MGAT4C: variants seen among roughly 807,000 people sequenced by gnomAD.
MGAT4C encodes MGAT4 family member C.
A neutral mutation model predicts 40.1 loss-of-function variants in MGAT4C; 19 were observed. The observed-to-expected ratio is 0.47, with a 90% CI of 0.33 to 0.70. The LOEUF is 0.70. Ranked by LOEUF, MGAT4C falls within the 30% of genes least tolerant of loss-of-function variation. The pLI, the probability that MGAT4C is intolerant of heterozygous loss-of-function variation, is 0.02. For missense variants in MGAT4C, 491 were observed against 563.2 expected, an observed-to-expected ratio of 0.87 and a Z score of 1.30; for synonymous variants, 181 against 187.1, an observed-to-expected ratio of 0.97 and a Z score of 0.27.
intron 3 of MGAT4C, among the ~76,000 whole-genome samples, chr12:86,394,175 G>T (rs1053067084): frequency 6.6e-6 from 1 of 152,052 alleles, no homozygotes; most frequent in Non-Finnish European, 1.5e-5. Flanking sequence ...GAATCAACTT[G>T]GGGAATGTAT....
intron 2 of MGAT4C, among the ~76,000 whole-genome samples, chr12:86,597,754 CTCAA>C (rs1165318436): frequency 2.0e-5 from 3 of 152,206 alleles, no homozygotes; most frequent in African/African-American, 7.2e-5. Context: ...CTATTCCCCT[CTCAA>C]TCAATCACCC....
intron 1 of MGAT4C, among the ~76,000 whole-genome samples, chr12:86,774,281 C>CTCGCTCTTTCTTTCTTTCTTTCTTTCTT (rs1555227734): frequency 1.7e-5 from 1 of 58,934 alleles, no homozygotes; most frequent in Non-Finnish European, 3.5e-5. Context: ...CTAAGGCTTG[C>CTCGCTCTTTCTTTCTTTCTTTCTTTCTT]TCTTTCTTTC....
intron 1 of MGAT4C, among the ~76,000 whole-genome samples, chr12:86,815,832 A>G (rs1952592622): frequency 7.1e-6 from 1 of 139,928 alleles, no homozygotes; most frequent in Admixed American, 7.2e-5. Context: ...CAAGAATGAT[A>G]CAATGGACTT....
Position 85,965,458 on chromosome 12 carries a change from G to T in MGAT4C, c.*13831C>A, listed in dbSNP as rs1276003039. 6.6e-6 allele frequency: 1 copy of T among 151,840 alleles called. No individual in the cohort carries two copies. Among genetic ancestry groups the T allele is most frequent in the Non-Finnish European group, 1.5e-5 (1 of 68,024 alleles). 9.4% of individuals were successfully genotyped at this position (151,840 alleles called of 1,614,324 possible). ...TAAAAATACAAAAAATTAGCCGGGC[G>T]TGGTGGCGGGCGCCTGTACTCCCAG... On this transcript the variant is annotated 3_prime_UTR_variant, in exon 5 of 5. Transcript: ENST00000611864.
chr12:86,741,193 C>A (rs916856605), intron 1 of MGAT4C, among the ~76,000 whole-genome samples: 26 of 151,060 alleles, frequency 1.7e-4, no homozygotes, highest in African/African-American at 4.8e-4. Flanking sequence ...CACATGCACT[C>A]GTATGTTCAT....
chr12:85,979,295 A>G lies in MGAT4C; in HGVS notation c.1431T>C (p.Thr477=), dbSNP rs780715327. 2 of 1,584,672 alleles carry G rather than the reference A, an allele frequency of 1.3e-6. No individual in the cohort carries two copies. Among genetic ancestry groups the G allele is most frequent in the South Asian group, 1.2e-5 (1 of 86,548 alleles). The change falls in exon 5 of 5, where the codon ACT becomes ACC. Residue 477 remains threonine (T), a synonymous_variant. Coordinates refer to ENST00000611864, the MANE Select transcript of MGAT4C (RefSeq NM_001351288.2). ...WLIIRSISIW[T]S is the part of the protein sequence containing the mutation. ...AACATACTGATTTAATTGGCTAAGA[A>G]GTCCAAATGCTAATACTCCTAATAA...
intron 2 of MGAT4C, among the ~76,000 whole-genome samples, chr12:86,656,075 T>C (rs1220231994): frequency 6.6e-6 from 1 of 152,076 alleles, no homozygotes. Flanking sequence ...TTCTCATAAG[T>C]AGAGCTTCAG....
chr12:86,061,402 C>A (rs572167676), intron 1 of MGAT4C, among the ~76,000 whole-genome samples: 1 of 152,220 alleles, frequency 6.6e-6, no homozygotes, highest in East Asian at 1.9e-4. Flanking sequence ...GCCACCAGGG[C>A]CCTGGGTTTC....
intron 1 of MGAT4C, among the ~76,000 whole-genome samples, chr12:86,113,035 A>G (rs1444970051): frequency 6.6e-6 from 1 of 151,734 alleles, no homozygotes; most frequent in Non-Finnish European, 1.5e-5. Context: ...AGAGACCACC[A>G]TAATAATCTT....
At chr12:86,047,425 G>GA (rs1342597205) in intron 2 of MGAT4C, among the ~76,000 whole-genome samples, 2 of 151,904 alleles carry the variant, frequency 1.3e-5, no homozygotes, top group Non-Finnish European at 2.9e-5. Flanking sequence ...TTGCATGAAA[G>GA]AAAAAATTCT....
At chr12:86,315,662 C>T (rs1954198095) in intron 4 of MGAT4C, among the ~76,000 whole-genome samples, 1 of 152,152 alleles carries the variant, frequency 6.6e-6, no homozygotes, top group Non-Finnish European at 1.5e-5. Flanking sequence ...GCCGAGATCG[C>T]GCCCCTGCAC....
In MGAT4C at chr12:85,978,294, C is replaced by A. The variant is rs922702707; in HGVS notation, c.*995G>T. The A allele has an allele frequency of 2.0e-5, 3 of 151,540 alleles. No individual in the cohort carries two copies. The highest frequency in any genetic ancestry group is 4.4e-5 in the Non-Finnish European group (3 of 67,608). 9.4% of individuals were successfully genotyped at this position (151,540 alleles called of 1,614,324 possible). ...AGAATATCAGATCTCTCATTCTGGC[C>A]TTGCTAGGAAATAGATCTTTGATTC... On this transcript the variant is annotated 3_prime_UTR_variant, in exon 5 of 5. Transcript: ENST00000611864.
intron 3 of MGAT4C, among the ~76,000 whole-genome samples, chr12:86,391,730 G>T (rs1449286260): frequency 2.0e-5 from 3 of 152,092 alleles, no homozygotes; most frequent in African/African-American, 7.2e-5. Context: ...CATGGTGGCG[G>T]GTGCCTGTAG....
At chr12:86,730,905 C>G (rs1226846172) in intron 1 of MGAT4C, among the ~76,000 whole-genome samples, 1 of 152,042 alleles carries the variant, frequency 6.6e-6, no homozygotes, top group African/African-American at 2.4e-5. Flanking sequence ...GATGTGTTCA[C>G]TTTATTTAAT....
chr12:86,614,550 TGGG>T (rs879320356), intron 2 of MGAT4C, among the ~76,000 whole-genome samples: 3 of 151,972 alleles, frequency 2.0e-5, no homozygotes, highest in African/African-American at 4.8e-5. Context: ...TAATATTAGG[TGGG>T]GGGAAGCAAA....
intron 2 of MGAT4C, chr12:86,011,715 T>TA: frequency 2.2e-6 from 1 of 451,918 alleles, no homozygotes; most frequent in Non-Finnish European, 2.9e-6. Flanking sequence ...GGTCCCAGTG[T>TA]AAAAAAAGTA....
At chr12:86,045,117 G>C (rs1892257563) in intron 2 of MGAT4C, among the ~76,000 whole-genome samples, 1 of 152,078 alleles carries the variant, frequency 6.6e-6, no homozygotes, top group Non-Finnish European at 1.5e-5. Context: ...CCTTCCCTCT[G>C]AAGATCTGCT....
At chr12:86,361,815 T>A (rs547220706) in intron 3 of MGAT4C, among the ~76,000 whole-genome samples, 2 of 152,272 alleles carry the variant, frequency 1.3e-5, no homozygotes, top group African/African-American at 4.8e-5. Context: ...AGAATGGCGA[T>A]CATTAAAAAG....
chr12:86,128,377 T>C (rs1880642386), intron 1 of MGAT4C, among the ~76,000 whole-genome samples: 1 of 152,138 alleles, frequency 6.6e-6, no homozygotes, highest in South Asian at 2.1e-4. Flanking sequence ...CATACCGTTC[T>C]CATGGTAGTG....
Sources: gnomAD v4.1 joint callset for allele counts (sites outside exome capture counted in the v4.1 genomes callset) on GRCh38, gnomAD v4.1.1 for gene constraint, MANE v1.5 for transcripts, NCBI Gene and HGNC (gene_info 2026-07-23, HGNC 2026-07-21) for gene names.